CSMD3: variants seen among roughly 807,000 people sequenced by gnomAD.
CSMD3 encodes the protein CUB and sushi domain-containing protein 3.
In CSMD3, 177 loss-of-function variants were observed where a neutral mutation model predicts 435.2. The ratio of observed to expected loss-of-function variants is 0.41; its 90% CI spans 0.36 to 0.46. The LOEUF (loss-of-function observed/expected upper bound fraction) is 0.46. CSMD3 is among the 20% of genes least tolerant of loss of function. The pLI, the probability that CSMD3 is intolerant of heterozygous loss-of-function variation, is 0.34. For synonymous variants in CSMD3, 1,656 were observed against 1,520.5 expected (o/e 1.09, Z -2.07); for missense variants, 4,265 against 4,504.6 (o/e 0.95, Z 1.52).
intron 1 of CSMD3, among the ~76,000 whole-genome samples, chr8:113,433,354 G>C (rs1354964798): frequency 6.6e-6 from 1 of 152,144 alleles, no homozygotes; most frequent in Non-Finnish European, 1.5e-5. Flanking sequence ...GGACACACGC[G>C]GGGCTGAAAG....
At chr8:112,525,916 T>A (rs1486251092) in intron 27 of CSMD3, among the ~76,000 whole-genome samples, 1 of 144,070 alleles carries the variant, frequency 6.9e-6, no homozygotes, top group Non-Finnish European at 1.5e-5. Flanking sequence ...TATATATATT[T>A]TATATATATA....
chr8:112,765,602 G>A (rs938023664), intron 13 of CSMD3, among the ~76,000 whole-genome samples: 1 of 151,608 alleles, frequency 6.6e-6, no homozygotes. Context: ...TGTTCAATAT[G>A]TTTCTTGACT....
chr8:112,704,289 A>G (rs1321220686), intron 13 of CSMD3, among the ~76,000 whole-genome samples: 15 of 152,068 alleles, frequency 9.9e-5, no homozygotes, highest in Non-Finnish European at 4.4e-5. Context: ...AGAATATTTT[A>G]ATATGTTTAA....
chr8:113,411,053 T>TAGGA (rs201537821), intron 1 of CSMD3, among the ~76,000 whole-genome samples: 15 of 143,354 alleles, frequency 1.0e-4, no homozygotes, highest in African/African-American at 2.1e-4. Flanking sequence ...AGGAGAAAGA[T>TAGGA]AGGAAGGAAG....
intron 56 of CSMD3, 144 bp from the exon 57 acceptor site, chr8:112,289,682 T>C (rs564103023): frequency 8.4e-6 from 5 of 595,160 alleles, no homozygotes; most frequent in Non-Finnish European, 1.1e-5. Context: ...ATGTTGAAGG[T>C]GTCTTTTTAA....
At chr8:112,913,691 T>C (rs898136799) in intron 10 of CSMD3, among the ~76,000 whole-genome samples, 13 of 150,366 alleles carry the variant, frequency 8.6e-5, no homozygotes, top group Non-Finnish European at 1.8e-4. Context: ...CCTCTCTCTC[T>C]CTCCTTCTTT....
intron 32 of CSMD3, among the ~76,000 whole-genome samples, chr8:112,460,822 C>T (rs1817375076): frequency 6.6e-6 from 1 of 152,058 alleles, no homozygotes; most frequent in Non-Finnish European, 1.5e-5. Flanking sequence ...CGAGTTTCTG[C>T]TTCTCAGCAA....
intron 3 of CSMD3, among the ~76,000 whole-genome samples, chr8:113,175,685 G>C (rs1260243950): frequency 1.3e-5 from 2 of 151,898 alleles, no homozygotes; most frequent in Admixed American, 6.6e-5. Context: ...TTTGTTCCAA[G>C]AGACAGTGAG....
intron 15 of CSMD3, among the ~76,000 whole-genome samples, chr8:112,683,897 A>T (rs1180306017): frequency 6.6e-6 from 1 of 151,684 alleles, no homozygotes; most frequent in African/African-American, 2.4e-5. Context: ...TATGTTTTAT[A>T]TGTATACATA....
rs1469658026 is a variant in CSMD3, at chr8:112,390,767, G to A, written c.5831C>T (p.Thr1944Ile). 6.2e-7 allele frequency: 1 copy of A among 1,613,444 alleles called. No individual in the cohort carries two copies. The highest frequency in any genetic ancestry group is 1.7e-5 in the Admixed American group (1 of 59,988). ...TGACAAAATAGTCCCTTTGCGCTTAGTTAAAATTCCACCACAGGGCACTGA... is the reference window on the plus strand; with the variant it reads ...TGACAAAATAGTCCCTTTGCGCTTAATTAAAATTCCACCACAGGGCACTGA... ...TCIVPCGGIL[T>I]KRKGTILSPG... The change falls in exon 36 of 71, where the codon ACT becomes ATT. Residue 1944 changes from threonine to isoleucine, a missense_variant. Coordinates refer to ENST00000297405, the MANE Select transcript of CSMD3 (RefSeq NM_198123.2).
At chr8:112,718,515 G>GTGTA (rs780123978) in intron 13 of CSMD3, among the ~76,000 whole-genome samples, 10 of 140,468 alleles carry the variant, frequency 7.1e-5, no homozygotes, top group South Asian at 2.3e-4. Flanking sequence ...GTATATATAT[G>GTGTA]TATATATATA....
chr8:112,792,046 A>G, intron 13 of CSMD3, among the ~76,000 whole-genome samples: 1 of 152,152 alleles, frequency 6.6e-6, no homozygotes, highest in South Asian at 2.1e-4. Context: ...TCTTTTACTG[A>G]TTTTAAATTG....
intron 2 of CSMD3, among the ~76,000 whole-genome samples, chr8:113,280,588 T>C (rs1484926203): frequency 1.3e-5 from 2 of 151,950 alleles, no homozygotes; most frequent in Non-Finnish European, 1.5e-5. Flanking sequence ...TCTATCCATT[T>C]TATCTTTTTG....
chr8:113,130,898 C>G (rs1347317393), intron 4 of CSMD3, among the ~76,000 whole-genome samples: 1 of 152,114 alleles, frequency 6.6e-6, no homozygotes, highest in African/African-American at 2.4e-5. Flanking sequence ...CAAGGCCGCT[C>G]TTGCTATGCT....
At chr8:112,492,921 T>C (rs1479123477) in intron 30 of CSMD3, among the ~76,000 whole-genome samples, 1 of 152,182 alleles carries the variant, frequency 6.6e-6, no homozygotes, top group African/African-American at 2.4e-5. Context: ...TAGAATGATT[T>C]AATGTATGTG....
rs191904790 is a variant in CSMD3, at chr8:112,999,062, G to T, written c.1030+20005C>A. ...CACCATTCTATCTCTTCAATTTACT[G>T]ATTTGACAAAATATTTGAGAATTCT... On this transcript the variant is annotated intron_variant, in intron 6 of 70. Transcript: ENST00000297405. Among the ~76,000 whole-genome samples, 121 of 152,000 alleles carry T rather than the reference G, an allele frequency of 8.0e-4. 1 individual carries two copies. Among genetic ancestry groups the T allele is most frequent in the African/African-American group, 2.7e-3 (113 of 41,500 alleles).
chr8:113,196,252 G>GA (rs1373360434), intron 3 of CSMD3, among the ~76,000 whole-genome samples: 23 of 151,042 alleles, frequency 1.5e-4, no homozygotes, highest in Admixed American at 1.3e-3. Flanking sequence ...CTGGAAAACT[G>GA]AAAAAATATA....
At chr8:113,151,490 A>G (rs1444800419) in intron 4 of CSMD3, among the ~76,000 whole-genome samples, 3 of 151,962 alleles carry the variant, frequency 2.0e-5, no homozygotes, top group Non-Finnish European at 2.9e-5. Flanking sequence ...TAATATAAAC[A>G]ATAGGAATGA....
At chr8:113,358,013 C>A (rs2094244141) in intron 1 of CSMD3, among the ~76,000 whole-genome samples, 1 of 152,132 alleles carries the variant, frequency 6.6e-6, no homozygotes, top group Admixed American at 6.5e-5. Context: ...CAGACTAATA[C>A]CGAGTATGCA....
Sources: allele counts gnomAD v4.1 joint callset (sites outside exome capture counted in the v4.1 genomes callset), GRCh38; gene constraint gnomAD v4.1.1; transcripts MANE v1.5; gene names NCBI Gene and HGNC (gene_info 2026-07-23, HGNC 2026-07-21).